Variants in CCDC148 observed in about 807,000 individuals in gnomAD.
CCDC148 encodes coiled-coil domain containing 148, also known as coiled-coil domain-containing protein 148.
A neutral mutation model predicts 85.7 loss-of-function variants in CCDC148; 89 were observed. The ratio of observed to expected loss-of-function variants is 1.04; its 90% CI spans 0.87 to 1.24. CCDC148 has a LOEUF of 1.24. CCDC148 is among the 50% of genes most tolerant of loss of function. The pLI is 0.00. For synonymous variants in CCDC148, 230 were observed against 213.9 expected, an observed-to-expected ratio of 1.08 and a Z score of -0.66; for missense variants, 692 against 671.7, an observed-to-expected ratio of 1.03 and a Z score of -0.33.
intron 1 of CCDC148, among the ~76,000 whole-genome samples, chr2:158,399,215 T>C (rs1685664221): frequency 6.6e-6 from 1 of 152,146 alleles, no homozygotes; most frequent in South Asian, 2.1e-4. Context: ...GCTGGTACCA[T>C]TCCTTCTGAA....
chr2:158,220,457 T>A (rs948265018), intron 11 of CCDC148, 138 bp downstream of exon 11: 1 of 619,684 alleles, frequency 1.6e-6, no homozygotes, highest in Admixed American at 3.1e-5. Context: ...GATATCATTG[T>A]ATTCATTTGT....
chr2:158,220,551 C>T (rs751079946), intron 11 of CCDC148, 44 bp downstream of exon 11: 4 of 1,317,838 alleles, frequency 3.0e-6, no homozygotes, highest in Non-Finnish European at 4.3e-6. Context: ...CAAAAGACTC[C>T]ATTCACCACC....
intron 1 of CCDC148, among the ~76,000 whole-genome samples, chr2:158,363,258 C>T (rs1000067881): frequency 6.6e-6 from 1 of 152,168 alleles, no homozygotes; most frequent in African/African-American, 2.4e-5. Flanking sequence ...GGTACCATTC[C>T]TTCTGAAACT....
chr2:158,425,042 G>A, intron 1 of CCDC148: 1 of 434,176 alleles, frequency 2.3e-6, no homozygotes, highest in Non-Finnish European at 4.6e-6. Context: ...GTGAATGAGG[G>A]GGCCCTAGGG....
intron 3 of CCDC148, among the ~76,000 whole-genome samples, chr2:158,342,586 T>A (rs535275264): frequency 2.6e-5 from 4 of 152,116 alleles, no homozygotes; most frequent in Non-Finnish European, 5.9e-5. Flanking sequence ...GCATACTAAC[T>A]GCCAAAAAAT....
chr2:158,327,407 C>T (rs1301284659), intron 7 of CCDC148, among the ~76,000 whole-genome samples: 5 of 152,254 alleles, frequency 3.3e-5, no homozygotes, highest in Middle Eastern at 6.8e-3. Flanking sequence ...AATGCCTCTG[C>T]CATGATTAGG....
At chr2:158,226,650 C>T (rs554340187) in intron 10 of CCDC148, among the ~76,000 whole-genome samples, 6 of 152,314 alleles carry the variant, frequency 3.9e-5, no homozygotes, top group African/African-American at 1.2e-4. Context: ...GCTGGTTCAA[C>T]ATACGCAAAT....
intron 9 of CCDC148, among the ~76,000 whole-genome samples, chr2:158,290,365 C>T (rs1690830888): frequency 1.3e-5 from 2 of 152,216 alleles, no homozygotes; most frequent in Admixed American, 1.3e-4. Flanking sequence ...CCAGCTTTTT[C>T]GCTTGTCCTG....
chr2:158,281,396 G>A (rs1373479460), intron 9 of CCDC148, among the ~76,000 whole-genome samples: 1 of 152,008 alleles, frequency 6.6e-6, no homozygotes, highest in East Asian at 1.9e-4. Flanking sequence ...TAATAAAGTA[G>A]AAAAGAGAGA....
At chr2:158,373,478 C>G (rs1249385309) in intron 1 of CCDC148, among the ~76,000 whole-genome samples, 2 of 152,128 alleles carry the variant, frequency 1.3e-5, no homozygotes, top group African/African-American at 4.8e-5. Context: ...CTTGGAAGGC[C>G]TTTCTGTGCT....
intron 9 of CCDC148, among the ~76,000 whole-genome samples, chr2:158,299,976 G>A (rs908982651): frequency 2.6e-5 from 4 of 152,304 alleles, no homozygotes; most frequent in Admixed American, 6.5e-5. Flanking sequence ...GAGAGACAAC[G>A]AGGAGCACAA....
chr2:158,194,028 AT>A (rs939238708), intron 11 of CCDC148, among the ~76,000 whole-genome samples: 140 of 151,702 alleles, frequency 9.2e-4, no homozygotes, highest in African/African-American at 3.3e-3. Flanking sequence ...AAAAAAAAAA[AT>A]TTAAAAAAAT....
At chr2:158,330,702 A>C (rs867935683) in intron 7 of CCDC148, among the ~76,000 whole-genome samples, 11 of 152,270 alleles carry the variant, frequency 7.2e-5, no homozygotes, top group South Asian at 2.1e-4. Context: ...TTATTGGTCT[A>C]TTCAGAGATT....
At chr2:158,423,150 A>G (rs1318282439) in intron 1 of CCDC148, among the ~76,000 whole-genome samples, 6 of 152,204 alleles carry the variant, frequency 3.9e-5, no homozygotes, top group Non-Finnish European at 8.8e-5. Flanking sequence ...AAATGGCCAC[A>G]CTGCCCAAAG....
intron 2 of CCDC148, among the ~76,000 whole-genome samples, chr2:158,356,094 G>A (rs1411938180): frequency 2.3e-5 from 3 of 131,530 alleles, no homozygotes; most frequent in Non-Finnish European, 4.6e-5. Flanking sequence ...ATGGATTAAA[G>A]ACTTAAACGT....
At position 158,345,243 on chromosome 2, in the gene CCDC148, G is replaced by A. The variant is rs1321772387; in HGVS notation, c.223C>T (p.Gln75Ter). 3 of 1,613,314 alleles carry A rather than the reference G, an allele frequency of 1.9e-6. No individual in the cohort carries two copies. Among genetic ancestry groups the A allele is most frequent in the South Asian group, 2.2e-5 (2 of 91,022 alleles). Residue 75 changes from glutamine to a stop codon, truncating the protein, a stop_gained, in exon 3 of 14, where the codon CAG (glutamine) becomes TAG (stop). Coordinates refer to ENST00000283233, the MANE Select transcript of CCDC148 (RefSeq NM_138803.4). LOFTEE classifies it high-confidence loss of function. ...LIKQHKQVWWQEYQRLNEVRC... is the reference protein window; with the variant it reads ...LIKQHKQVWW ...ACTTCATTCAGCCTCTGGTATTCCT[G>A]CCACCACACTTGCTTGTGTTGTTTT...
chr2:158,172,009 C>A lies in CCDC148; in HGVS notation c.*104G>T, dbSNP rs1684339335. ...GTTGTTTTAATAGATGCTATGATTT[C>A]TATGTCTGATATTTCAAACATTTTA... On this transcript the variant is annotated 3_prime_UTR_variant, in exon 14 of 14. Transcript: ENST00000283233. 1.1e-6 allele frequency: 1 copy of A among 890,282 alleles called. No homozygotes were observed. Among genetic ancestry groups the A allele is most frequent in the Non-Finnish European group, 1.6e-6 (1 of 606,538 alleles). The allele number at this position is 890,282 out of a possible 1,614,324, so 55.1% of individuals were successfully genotyped here. A position where few individuals can be genotyped will look rare whatever the true frequency, so the allele number is the denominator to read the frequency against.
chr2:158,436,458 C>G (rs1476322785), intron 1 of CCDC148, among the ~76,000 whole-genome samples: 1 of 152,170 alleles, frequency 6.6e-6, no homozygotes, highest in African/African-American at 2.4e-5. Flanking sequence ...ACCAGAATCT[C>G]TGGGACACAT....
intron 11 of CCDC148, among the ~76,000 whole-genome samples, chr2:158,193,159 C>T (rs1371493355): frequency 1.3e-5 from 2 of 152,114 alleles, no homozygotes; most frequent in Non-Finnish European, 2.9e-5. Flanking sequence ...ACAAATCTAT[C>T]CTGTGCCTGG....
Sources: gnomAD v4.1 joint callset for allele counts (sites outside exome capture counted in the v4.1 genomes callset) on GRCh38, gnomAD v4.1.1 for gene constraint, MANE v1.5 for transcripts, NCBI Gene and HGNC (gene_info 2026-07-23, HGNC 2026-07-21) for gene names.